Variants in ART5 observed in about 807,000 individuals in gnomAD.
ART5 encodes ADP-ribosyltransferase 5.
ART5 carries 22 observed loss-of-function variants against 25.0 expected under a neutral mutation model. That is an observed-to-expected ratio of 0.88 (90% confidence interval 0.63 to 1.26). The LOEUF (loss-of-function observed/expected upper bound fraction) is 1.26. Ranked by LOEUF, ART5 falls within the 50% of genes most tolerant of loss-of-function variation. ART5 has a pLI of 0.00. For synonymous variants in ART5, 161 were observed against 154.8 expected, an observed-to-expected ratio of 1.04 and a Z score of -0.30; for missense variants, 402 against 372.8, an observed-to-expected ratio of 1.08 and a Z score of -0.64.
In ART5 at chr11:3,639,655, G is replaced by T. The variant is rs750949438; in HGVS notation, c.774C>A (p.Cys258Ter). 1.2e-6 allele frequency: 2 copies of T among 1,612,258 alleles called. No individual in the cohort carries two copies. Among genetic ancestry groups the T allele is most frequent in the Non-Finnish European group, 1.7e-6 (2 of 1,179,308 alleles). ...TGCACAGCTTACCACCCAGATAGGC[G>T]CAGTTAAAATGGCTACAGGTCTGAT... ...SYNQTCSHFN[C>*]AYLGGEKRRG... The change falls in exon 2 of 4, where the codon TGC becomes TGA. Residue 258 changes from cysteine to a stop codon, truncating the protein, a stop_gained. Transcript: ENST00000397068. LOFTEE classifies it high-confidence loss of function.
upstream of ART5, chr11:3,642,134 T>C (rs1257344924): frequency 6.1e-6 from 8 of 1,312,448 alleles, no homozygotes; most frequent in Non-Finnish European, 7.8e-6. Context: ...GGGGCCGCAG[T>C]TTGGCTCCGC....
chr11:3,642,033 G>GCCCGCCCCCCGCCC (rs376364712), upstream of ART5: 5 of 1,432,270 alleles, frequency 3.5e-6, no homozygotes, highest in African/African-American at 5.7e-5. Context: ...GGAGTTTATT[G>GCCCGCCCCCCGCCC]CCCGCCCCCC....
At chr11:3,642,036 C>T (rs542868999), upstream of ART5, 6 of 1,428,808 alleles carry the variant, frequency 4.2e-6, no homozygotes, top group East Asian at 1.3e-4. Flanking sequence ...GTTTATTGCC[C>T]GCCCCCCGCC....
Position 3,640,040 on chromosome 11 carries a change from A to G in ART5, c.389T>C (p.Phe130Ser). Reference sequence around the variant, plus strand: ...GATCAGGTAGAAATGCAGGGCCTTGAAGGGAAAGTGCCTCATGTAGAGCTC... The same window carrying G: ...GATCAGGTAGAAATGCAGGGCCTTGGAGGGAAAGTGCCTCATGTAGAGCTC... ...SRELYMRHFP[F>S]KALHFYLIRA... Residue 130 changes from phenylalanine to serine, a missense_variant, in exon 2 of 4, where the codon TTC becomes TCC. Phe to Ser is a radical substitution (Grantham distance 155). Coordinates refer to ENST00000397068, the MANE Select transcript of ART5 (RefSeq NM_053017.5). 1.9e-6 allele frequency: 3 copies of G among 1,614,156 alleles called. No homozygotes were observed. The highest frequency in any genetic ancestry group is 2.5e-6 in the Non-Finnish European group (3 of 1,180,024).
Position 3,639,716 on chromosome 11 carries a change from T to A in ART5, c.713A>T (p.Asp238Val), listed in dbSNP as rs376801553. ...EVFLVTRFSQ[D>V]GAQSLVTLWS... ...GAGAGTCACCAAGCTCTGGGCTCCA[T>A]CCTGAGAGAATCTGGTAACCAAAAA... Residue 238 changes from aspartate (D) to valine (V), a missense_variant, in exon 2 of 4, where the codon GAT becomes GTT. Asp to Val is a radical substitution (Grantham distance 152). Transcript: ENST00000397068. The A allele has an allele frequency of 6.2e-7, 1 of 1,613,982 alleles. No individual in the cohort carries two copies. The highest frequency in any genetic ancestry group is 8.5e-7 in the Non-Finnish European group (1 of 1,180,004).
Position 3,640,071 on chromosome 11 carries a change from A to T in ART5, c.358T>A (p.Ser120Thr). The change falls in exon 2 of 4, where the codon TCC (serine) becomes ACC (threonine). Residue 120 changes from serine (S) to threonine (T), a missense_variant. By Grantham distance (58) the Ser-to-Thr change is moderately conservative. Coordinates refer to ENST00000397068, the MANE Select transcript of ART5 (RefSeq NM_053017.5). ...AAGTGCCTCATGTAGAGCTCCCGGGAGCCTCCGCCCGTCCGCACGGCCTGA... is the reference window on the plus strand; with the variant it reads ...AAGTGCCTCATGTAGAGCTCCCGGGTGCCTCCGCCCGTCCGCACGGCCTGA... ...LNQAVRTGGG[S>T]RELYMRHFPF... is the part of the protein sequence containing the mutation. 2 of 1,613,300 alleles carry T rather than the reference A, an allele frequency of 1.2e-6. No homozygotes were observed. The highest frequency in any genetic ancestry group is 1.7e-6 in the Non-Finnish European group (2 of 1,179,912).
At chr11:3,642,288 A>G (rs2077417192), upstream of ART5, 1 of 1,025,070 alleles carries the variant, frequency 9.8e-7, no homozygotes, top group Non-Finnish European at 1.2e-6. Context: ...TCTCGAGGCT[A>G]ACTGTAGCCC....
At chr11:3,638,900 TTG>T in intron 3 of ART5, 101 bp downstream of exon 3, 1 of 1,607,030 alleles carries the variant, frequency 6.2e-7, no homozygotes, top group Non-Finnish European at 8.5e-7. Flanking sequence ...CCCCCTCAGA[TTG>T]TGACCCTAGC....
upstream of ART5, chr11:3,642,003 C>CG: frequency 6.9e-7 from 1 of 1,457,602 alleles, no homozygotes; most frequent in Non-Finnish European, 9.0e-7. Flanking sequence ...AGGGCCCCGG[C>CG]GGGGCGTGGG....
upstream of ART5, chr11:3,642,230 C>G (rs990751437): frequency 8.7e-7 from 1 of 1,143,064 alleles, no homozygotes; most frequent in Non-Finnish European, 1.1e-6. Flanking sequence ...CTCTGGCGGG[C>G]GCTGCGCTGT....
rs763312413 is a variant in ART5 at position 3,639,912 on chromosome 11, C to T, written c.517G>A (p.Gly173Arg). The T allele has an allele frequency of 6.2e-7, 1 of 1,614,148 alleles. No homozygotes were observed. The highest frequency in any genetic ancestry group is 1.7e-5 in the Admixed American group (1 of 60,030). Residue 173 changes from glycine (G) to arginine (R), a missense_variant, in exon 2 of 4, where the codon GGA becomes AGA. By Grantham distance (125) the Gly-to-Arg change is moderately radical. Transcript: ENST00000397068. ...AACTGGCCCAAGCGGACAGAGTCTC[C>T]CAGCCTCTTGGGTTCAAAGCGAAGG... ...GSLRFEPKRL[G>R]DSVRLGQFAS...
Position 3,638,765 on chromosome 11 carries a change from C to G in ART5, c.849G>C (p.Met283Ile). The G allele has an allele frequency of 6.2e-7, 1 of 1,614,150 alleles. No homozygotes were observed. Among genetic ancestry groups the G allele is most frequent in the Non-Finnish European group, 8.5e-7 (1 of 1,180,032 alleles). Reference sequence around the variant, plus strand: ...AAGGCTGCTGGAGGTGCCTCTTCGTCATATGAAGGTCACCCGTTCCCAGGG... The same window carrying G: ...AAGGCTGCTGGAGGTGCCTCTTCGTGATATGAAGGTCACCCGTTCCCAGGG... ...PGALGTGDLH[M>I]TKRHLQQP Residue 283 changes from methionine (M) to isoleucine (I), a missense_variant, in exon 4 of 4, where the codon ATG (methionine) becomes ATC (isoleucine). Physicochemically the swap from Met to Ile is conservative, Grantham distance 10. Coordinates refer to ENST00000397068, the MANE Select transcript of ART5 (RefSeq NM_053017.5).
intron 1 of ART5, 87 bp from the exon 2 acceptor site, chr11:3,640,458 A>G: frequency 7.0e-7 from 1 of 1,437,378 alleles, no homozygotes; most frequent in Non-Finnish European, 9.2e-7. Context: ...ATCCAGAAAC[A>G]CAGAATCTCA....
Position 3,641,835 on chromosome 11 carries a change from G to A in ART5, c.28C>T (p.Leu10Phe). The A allele has an allele frequency of 6.3e-7, 1 of 1,579,054 alleles. No individual in the cohort carries two copies. The highest frequency in any genetic ancestry group is 8.6e-7 in the Non-Finnish European group (1 of 1,163,370). MALAALMIA[L>F]GSLGLHTWQA... The stretch of plus-strand genomic sequence containing the variant: ...CAGGTGTGGAGGCCGAGGCTGCCGA[G>A]GGCGATCATCAAAGCCGCCAGCGCC... The change falls in exon 1 of 4, where the codon CTC becomes TTC. Residue 10 changes from leucine (L) to phenylalanine (F), a missense_variant. Physicochemically the swap from Leu to Phe is conservative, Grantham distance 22 (BLOSUM62 0). Coordinates refer to ENST00000397068, the MANE Select transcript of ART5 (RefSeq NM_053017.5).
chr11:3,638,915 C>T (rs576722218), intron 3 of ART5, 88 bp downstream of exon 3: 3 of 1,596,918 alleles, frequency 1.9e-6, no homozygotes, highest in South Asian at 2.2e-5. Context: ...ACCCTAGCTG[C>T]ACCCCTGCTG....
At chr11:3,640,653 G>A (rs989105925) in intron 1 of ART5, among the ~76,000 whole-genome samples, 2 of 144,516 alleles carry the variant, frequency 1.4e-5, no homozygotes, top group Admixed American at 7.1e-5. Flanking sequence ...CACTGCAAGC[G>A]CCACCTCCCA....
rs755158351 is a variant in ART5 at position 3,641,824 on chromosome 11, G to C, written c.39C>G (p.Leu13=). 2 of 1,578,238 alleles carry C rather than the reference G, an allele frequency of 1.3e-6. No individual in the cohort carries two copies. Among genetic ancestry groups the C allele is most frequent in the South Asian group, 2.3e-5 (2 of 85,908 alleles). The change falls in exon 1 of 4, where the codon CTC becomes CTG. Residue 13 remains leucine (L), a synonymous_variant. Transcript: ENST00000397068. The part of the protein sequence containing the change: ...LAALMIALGS[L]GLHTWQAQAV... ...GAGTTACCTGCCAGGTGTGGAGGCC[G>C]AGGCTGCCGAGGGCGATCATCAAAG...
Position 3,639,007 on chromosome 11 carries a change from C to T in ART5, c.816G>A (p.Ala272=), listed in dbSNP as rs761776024. 26 of 1,553,490 alleles carry T rather than the reference C, an allele frequency of 1.7e-5. No homozygotes were observed. The highest frequency in any genetic ancestry group is 1.4e-4 in the South Asian group (12 of 84,362). The change falls in exon 3 of 4, where the codon GCG becomes GCA. Residue 272 remains alanine, a synonymous_variant. Coordinates refer to ENST00000397068, the MANE Select transcript of ART5 (RefSeq NM_053017.5). ...GAGGATGGAAGGGCAACTCACCTGG[C>T]GCAGACACACAGCCCCGCCTCTTCT... ...GGEKRRGCVS[A]PGALGTGDLH... is the part of the protein sequence containing the mutation.
rs1444800822 is a variant in ART5, at chr11:3,641,950, C to G, written c.-88G>C. 1 of 1,514,608 alleles carries G rather than the reference C, an allele frequency of 6.6e-7. No individual in the cohort carries two copies. The highest frequency in any genetic ancestry group is 8.8e-7 in the Non-Finnish European group (1 of 1,130,150). The allele number at this position is 1,514,608 out of a possible 1,614,324, so 93.8% of individuals were successfully genotyped here. ...TGGTTTCGAGGGGCTGGAGGCAGAT[C>G]TGGACCCTGTCTCCAGGCGCACGGG... On this transcript the variant is annotated 5_prime_UTR_variant, in exon 1 of 4. Transcript: ENST00000397068.
Sources: gnomAD v4.1 joint callset for allele counts (sites outside exome capture counted in the v4.1 genomes callset) on GRCh38, gnomAD v4.1.1 for gene constraint, MANE v1.5 for transcripts, NCBI Gene and HGNC (gene_info 2026-07-23, HGNC 2026-07-21) for gene names.